Variants in GRID2 observed in about 807,000 individuals in gnomAD.
The protein encoded by GRID2 is glutamate receptor ionotropic, delta-2.
A neutral mutation model predicts 114.8 loss-of-function variants in GRID2; 33 were observed. The observed-to-expected ratio is 0.29, with a 90% CI of 0.22 to 0.38. GRID2 has a LOEUF of 0.38. Among genes scored for constraint, GRID2 ranks in the 10% least tolerant of loss-of-function variants. GRID2 has a pLI of 1.00. For synonymous variants in GRID2, 505 were observed against 449.9 expected, an observed-to-expected ratio of 1.12 and a Z score of -1.55; for missense variants, 1,184 against 1,257.7, an observed-to-expected ratio of 0.94 and a Z score of 0.89.
At chr4:92,572,765 A>C (rs1727692401) in intron 1 of GRID2, among the ~76,000 whole-genome samples, 1 of 152,008 alleles carries the variant, frequency 6.6e-6, no homozygotes, top group South Asian at 2.1e-4. Context: ...TTCACCAAGG[A>C]TATTGGCCTG....
At chr4:92,911,294 C>G (rs1050545200) in intron 2 of GRID2, among the ~76,000 whole-genome samples, 1 of 151,830 alleles carries the variant, frequency 6.6e-6, no homozygotes. Flanking sequence ...TCAAAAGGAC[C>G]ATACATTTCA....
intron 13 of GRID2, among the ~76,000 whole-genome samples, chr4:93,563,034 G>A (rs1735072681): frequency 6.6e-6 from 1 of 151,910 alleles, no homozygotes; most frequent in Non-Finnish European, 1.5e-5. Flanking sequence ...TTCTTCTTCA[G>A]TATTGTGCAG....
chr4:92,779,796 T>G (rs1299325600), intron 2 of GRID2, among the ~76,000 whole-genome samples: 1 of 152,188 alleles, frequency 6.6e-6, no homozygotes, highest in African/African-American at 2.4e-5. Flanking sequence ...CAGGGCTTTG[T>G]TACTATGAAG....
At chr4:92,456,350 T>A (rs1432968929) in intron 1 of GRID2, among the ~76,000 whole-genome samples, 2 of 152,104 alleles carry the variant, frequency 1.3e-5, no homozygotes, top group East Asian at 3.8e-4. Context: ...CATGAGAAAT[T>A]TGACAATAAC....
At chr4:92,418,568 G>A (rs1296146606) in intron 1 of GRID2, among the ~76,000 whole-genome samples, 3 of 152,006 alleles carry the variant, frequency 2.0e-5, no homozygotes, top group Admixed American at 6.6e-5. Flanking sequence ...AGAATTGGAG[G>A]CAGATCAGAG....
At chr4:93,394,557 G>T (rs1056600465) in intron 8 of GRID2, among the ~76,000 whole-genome samples, 6 of 151,838 alleles carry the variant, frequency 4.0e-5, no homozygotes, top group Admixed American at 1.3e-4. Context: ...CAGACAAACC[G>T]CAATAAAAAG....
At chr4:93,410,945 A>G (rs572015016) in intron 9 of GRID2, among the ~76,000 whole-genome samples, 1 of 152,240 alleles carries the variant, frequency 6.6e-6, no homozygotes, top group East Asian at 1.9e-4. Context: ...CCTGGCCTTC[A>G]CTATACTTTA....
At chr4:93,106,232 A>G (rs1487992273) in intron 3 of GRID2, among the ~76,000 whole-genome samples, 1 of 152,242 alleles carries the variant, frequency 6.6e-6, no homozygotes, top group Admixed American at 6.5e-5. Context: ...TTTTGGAAAC[A>G]CAGATAACTC....
chr4:93,420,727 T>TTTAC (rs201386245), intron 9 of GRID2, among the ~76,000 whole-genome samples: 18 of 97,620 alleles, frequency 1.8e-4, no homozygotes, highest in Admixed American at 1.6e-3. Flanking sequence ...ATTTATTATT[T>TTTAC]TTACTTATTT....
At chr4:93,340,918 C>G (rs1353263266) in intron 8 of GRID2, among the ~76,000 whole-genome samples, 1 of 152,016 alleles carries the variant, frequency 6.6e-6, no homozygotes, top group East Asian at 1.9e-4. Flanking sequence ...TTACTTGTAC[C>G]CTTCTTTATG....
At chr4:93,509,812 C>T (rs1293389582) in intron 12 of GRID2, among the ~76,000 whole-genome samples, 3 of 152,134 alleles carry the variant, frequency 2.0e-5, no homozygotes, top group East Asian at 3.9e-4. Flanking sequence ...CTCACCCTCA[C>T]GGCATATTAG....
intron 9 of GRID2, among the ~76,000 whole-genome samples, chr4:93,396,496 G>T (rs572369212): frequency 3.3e-4 from 50 of 152,086 alleles, no homozygotes; most frequent in African/African-American, 1.1e-3. Context: ...ATGTCAGTGG[G>T]ATGGTGTGAG....
rs991373268 is a variant in GRID2, at chr4:93,340,310, T to C, written c.1246-55297T>C. On this transcript the variant is annotated intron_variant, in intron 8 of 15. Transcript: ENST00000282020. Reference sequence around the variant, plus strand: ...TCCTAAATTGGCCCACTATGCCCCTTTTCTGTCTGTCTTTCTTTTTCTTAA... The same window carrying C: ...TCCTAAATTGGCCCACTATGCCCCTCTTCTGTCTGTCTTTCTTTTTCTTAA... 1.3e-4 allele frequency among the ~76,000 whole-genome samples: 18 copies of C among 136,798 alleles called. 1 individual carries two copies. The Middle Eastern group carries it at 0.014, about 108-fold the overall frequency. The allele number at this position is 136,798 out of a possible 152,430, so 89.7% of individuals were successfully genotyped here.
chr4:93,794,157 A>G (rs1309784141), intron 1 of GRID2, among the ~76,000 whole-genome samples: 1 of 152,200 alleles, frequency 6.6e-6, no homozygotes, highest in African/African-American at 2.4e-5. Flanking sequence ...TAACAATTCT[A>G]TCAGGGTGTC....
At chr4:92,965,996 C>T (rs1195553535) in intron 2 of GRID2, among the ~76,000 whole-genome samples, 1 of 151,816 alleles carries the variant, frequency 6.6e-6, no homozygotes, top group Non-Finnish European at 1.5e-5. Flanking sequence ...TTCTTAGAAA[C>T]AGAAAGACTT....
rs1389308466 is a variant in GRID2, at chr4:92,938,851, G to C, written c.245-146144G>C. ...GTCCTTGCGATAGTTTGCTAAGAAT[G>C]ATGGTTTCCAGCTTCAACCATGTCC... On this transcript the variant is annotated intron_variant, in intron 2 of 15. Transcript: ENST00000282020. Among the ~76,000 whole-genome samples the C allele has an allele frequency of 1.4e-5, 2 of 146,156 alleles. 1 individual carries two copies. Among genetic ancestry groups the C allele is most frequent in the Non-Finnish European group, 3.0e-5 (2 of 66,282 alleles).
intron 1 of GRID2, among the ~76,000 whole-genome samples, chr4:92,544,362 A>G (rs1245148965): frequency 1.3e-5 from 2 of 152,104 alleles, no homozygotes; most frequent in African/African-American, 2.4e-5. Context: ...GAGTCGTACA[A>G]CTGGTATTAG....
chr4:92,800,572 G>T (rs1740103908), intron 2 of GRID2, among the ~76,000 whole-genome samples: 1 of 151,926 alleles, frequency 6.6e-6, no homozygotes, highest in Non-Finnish European at 1.5e-5. Flanking sequence ...AAAATAATGT[G>T]TTTACATTAC....
intron 13 of GRID2, among the ~76,000 whole-genome samples, chr4:93,537,393 T>C (rs1219610380): frequency 6.6e-6 from 1 of 151,738 alleles, no homozygotes; most frequent in Non-Finnish European, 1.5e-5. Flanking sequence ...GAATTTTGCC[T>C]TCTAATAAAT....
Sources: gnomAD v4.1 joint callset for allele counts (sites outside exome capture counted in the v4.1 genomes callset) on GRCh38, gnomAD v4.1.1 for gene constraint, MANE v1.5 for transcripts, NCBI Gene and HGNC (gene_info 2026-07-23, HGNC 2026-07-21) for gene names.